The following ENPP1 variants were observed in gnomAD, a reference collection of about 807,000 sequenced individuals.
ENPP1 encodes ectonucleotide pyrophosphatase/phosphodiesterase 1.
Under a neutral mutation model 122.8 loss-of-function variants are expected in ENPP1, and 73 were observed. The observed-to-expected ratio is 0.59, with a 90% confidence interval of 0.49 to 0.72. The LOEUF (loss-of-function observed/expected upper bound fraction) is 0.72, where lower values mean the gene tolerates loss of function less well. Ranked by LOEUF, ENPP1 falls within the 30% of genes least tolerant of loss-of-function variation. The pLI, the probability that ENPP1 is intolerant of heterozygous loss-of-function variation, is 0.00. For synonymous variants in ENPP1, 367 were observed against 391.6 expected, an observed-to-expected ratio of 0.94 and a Z score of 0.74; for missense variants, 978 against 1,128.1, an observed-to-expected ratio of 0.87 and a Z score of 1.91.
At chr6:131,826,446 AG>A (rs1202712536) in intron 1 of ENPP1, 7 of 942,062 alleles carry the variant, frequency 7.4e-6, no homozygotes, top group Non-Finnish European at 1.0e-5. Context: ...CAGTTTATCC[AG>A]GAATGTAAGT....
chr6:131,865,352 C>T (rs2114707487), intron 11 of ENPP1, among the ~76,000 whole-genome samples: 1 of 152,246 alleles, frequency 6.6e-6, no homozygotes, highest in Non-Finnish European at 1.5e-5. Flanking sequence ...TCTTTGGCCA[C>T]CTGAGACCAT....
At position 131,832,663 on chromosome 6, in the gene ENPP1, G is replaced by T. The variant is rs547936449; in HGVS notation, c.241-15113G>T. On this transcript the variant is annotated intron_variant, in intron 1 of 24. Coordinates refer to ENST00000647893, the MANE Select transcript of ENPP1 (RefSeq NM_006208.3). ...CTTGACTGGACCTGTGTGAATCAGGGTCTTTCATGCAGCTGCAGTTAGATG... is the reference window on the plus strand; with the variant it reads ...CTTGACTGGACCTGTGTGAATCAGGTTCTTTCATGCAGCTGCAGTTAGATG... 8.5e-5 allele frequency among the ~76,000 whole-genome samples: 13 copies of T among 152,290 alleles called. No individual in the cohort carries two copies. The South Asian group carries it at 2.5e-3, about 29-fold the overall frequency.
intron 24 of ENPP1, among the ~76,000 whole-genome samples, chr6:131,888,842 G>T (rs905581151): frequency 1.1e-4 from 16 of 152,134 alleles, no homozygotes; most frequent in African/African-American, 3.9e-4. Context: ...TTAGAGTAGG[G>T]TTCTGCAGCA....
intron 19 of ENPP1, among the ~76,000 whole-genome samples, chr6:131,879,535 A>G (rs957792289): frequency 6.6e-6 from 1 of 152,188 alleles, no homozygotes; most frequent in South Asian, 2.1e-4. Context: ...CATTAAAAAA[A>G]TTTGCTTTCT....
chr6:131,808,287 G>T lies in ENPP1; in HGVS notation c.240+12G>T, dbSNP rs748710762. 4.7e-6 allele frequency: 7 copies of T among 1,487,904 alleles called. No homozygotes were observed. In the South Asian group the frequency reaches 9.1e-5, roughly 19 times the overall value. 92.2% of individuals were successfully genotyped at this position (1,487,904 alleles called of 1,614,324 possible). A position where few individuals can be genotyped will look rare whatever the true frequency, so the allele number is the denominator to read the frequency against. On this transcript the variant is annotated intron_variant, in intron 1 of 24. Coordinates refer to ENST00000647893, the MANE Select transcript of ENPP1 (RefSeq NM_006208.3). ...AAGTACTCTCGCTGGTAGGTCCGCG[G>T]CCAGGCCCCGGCGCCCGGGAGGGCT...
chr6:131,861,821 A>G, intron 9 of ENPP1, 117 bp downstream of exon 9: 1 of 681,932 alleles, frequency 1.5e-6, no homozygotes. Flanking sequence ...CTGAAAAATG[A>G]GAACTGAAGA....
Position 131,849,969 on chromosome 6 carries a change from CTT to C in ENPP1, c.314-20_314-19del, listed in dbSNP as rs781657238. ...TTATATAATGATTAGAAACATCTGACTTATCGTTCAATTTTTTCAGTTAAAAG... is the reference window on the plus strand; with the variant it reads ...TTATATAATGATTAGAAACATCTGACATCGTTCAATTTTTTCAGTTAAAAG... On this transcript the variant is annotated intron_variant, in intron 2 of 24. Transcript: ENST00000647893. 1.3e-6 allele frequency: 2 copies of C among 1,520,856 alleles called. No individual in the cohort carries two copies. The highest frequency in any genetic ancestry group is 4.5e-5 in the East Asian group (2 of 44,480). The allele number at this position is 1,520,856 out of a possible 1,614,324, so 94.2% of individuals were successfully genotyped here.
chr6:131,828,353 A>C (rs1781571932), intron 1 of ENPP1: 2 of 412,820 alleles, frequency 4.8e-6, no homozygotes, highest in Non-Finnish European at 9.5e-6. Context: ...CATGATTTTA[A>C]GATGTGATAA....
At chr6:131,822,843 C>G (rs1781499384) in intron 1 of ENPP1, among the ~76,000 whole-genome samples, 1 of 152,106 alleles carries the variant, frequency 6.6e-6, no homozygotes, top group Non-Finnish European at 1.5e-5. Context: ...TTATTCATTC[C>G]TCAGCTCCAT....
At chr6:131,860,280 A>C (rs1485217382) in intron 7 of ENPP1, 107 bp from the exon 8 acceptor site, 2 of 874,832 alleles carry the variant, frequency 2.3e-6, no homozygotes, top group Non-Finnish European at 3.6e-6. Context: ...ACTTATTATA[A>C]TTCCATGTAG....
chr6:131,862,085 C>G (rs1782031692), intron 9 of ENPP1, among the ~76,000 whole-genome samples: 1 of 152,112 alleles, frequency 6.6e-6, no homozygotes, highest in Non-Finnish European at 1.5e-5. Flanking sequence ...AGGAGAATCA[C>G]TTGAACCTGT....
chr6:131,820,624 A>G (rs1317296593), intron 1 of ENPP1: 1 of 152,230 alleles, frequency 6.6e-6, no homozygotes, highest in East Asian at 1.9e-4. Context: ...TTGTATCCTT[A>G]CATTCTTTTA....
At position 131,892,154 on chromosome 6, in the gene ENPP1, T is replaced by C. The variant is rs1782479395; in HGVS notation, c.*1643T>C. ...ATTGTTTGCATCTACTGATGGTCTT[T>C]TTTCCATTCGGAAACATTTTCCTGT... is the stretch of plus-strand genomic sequence containing the variant. On this transcript the variant is annotated 3_prime_UTR_variant, in exon 25 of 25. Coordinates refer to ENST00000647893, the MANE Select transcript of ENPP1 (RefSeq NM_006208.3). 6.6e-6 allele frequency: 1 copy of C among 152,232 alleles called. No homozygotes were observed. Among genetic ancestry groups the C allele is most frequent in the South Asian group, 2.1e-4 (1 of 4,830 alleles). 9.4% of individuals were successfully genotyped at this position (152,232 alleles called of 1,614,324 possible).
At chr6:131,886,518 G>A in intron 23 of ENPP1, 44 bp from the exon 24 acceptor site, 1 of 1,403,052 alleles carries the variant, frequency 7.1e-7, no homozygotes, top group Non-Finnish European at 1.0e-6. Context: ...TCAAAAGGAA[G>A]ATAGTTATTT....
At chr6:131,831,680 A>G (rs901338275) in intron 1 of ENPP1, among the ~76,000 whole-genome samples, 10 of 152,236 alleles carry the variant, frequency 6.6e-5, no homozygotes, top group African/African-American at 2.4e-4. Flanking sequence ...TGGGAAGCAC[A>G]TGACAGATGG....
rs183583854 is a variant in ENPP1, at chr6:131,863,192, C to A, written c.1026-1314C>A. Among the ~76,000 whole-genome samples the A allele has an allele frequency of 7.0e-4, 106 of 152,280 alleles. No individual in the cohort carries two copies. In the Middle Eastern group the frequency reaches 0.01, roughly 15 times the overall value. On this transcript the variant is annotated intron_variant, in intron 9 of 24. Transcript: ENST00000647893. Reference sequence around the variant, plus strand: ...AGGAATGATCTCTGCTATTTAGCATCTATTGCGTTTGCAAATATTATTAAA... The same window carrying A: ...AGGAATGATCTCTGCTATTTAGCATATATTGCGTTTGCAAATATTATTAAA...
chr6:131,853,567 A>G (rs1781907205), intron 5 of ENPP1, among the ~76,000 whole-genome samples: 1 of 152,158 alleles, frequency 6.6e-6, no homozygotes, highest in South Asian at 2.1e-4. Context: ...TTAAGACTAT[A>G]TACACTGGTT....
intron 1 of ENPP1, among the ~76,000 whole-genome samples, chr6:131,815,881 T>G (rs1781407458): frequency 6.7e-6 from 1 of 149,638 alleles, no homozygotes; most frequent in Non-Finnish European, 1.5e-5. Context: ...ATTTTTTTTT[T>G]TTTTTTTTTT....
At chr6:131,861,567 C>T in intron 8 of ENPP1, 28 bp from the exon 9 acceptor site, 1 of 1,365,118 alleles carries the variant, frequency 7.3e-7, no homozygotes, top group Non-Finnish European at 1.0e-6. Flanking sequence ...TGCATGATTT[C>T]TTAATTTTCC....
Sources: allele counts gnomAD v4.1 joint callset (sites outside exome capture counted in the v4.1 genomes callset), GRCh38; gene constraint gnomAD v4.1.1; transcripts MANE v1.5; gene names NCBI Gene and HGNC (gene_info 2026-07-23, HGNC 2026-07-21).